Variants in GLE1 observed in about 807,000 individuals in gnomAD.
GLE1 encodes the protein GLE1 RNA export mediator, also known as mRNA export factor GLE1.
GLE1 carries 78 observed loss-of-function variants against 97.3 expected under a neutral mutation model. The observed-to-expected ratio is 0.80, with a 90% CI of 0.67 to 0.97. GLE1 has a LOEUF of 0.97. GLE1 is among the 50% of genes least tolerant of loss of function. The pLI is 0.00. For synonymous variants in GLE1, 302 were observed against 313.4 expected, an observed-to-expected ratio of 0.96 and a Z score of 0.39; for missense variants, 753 against 857.5, an observed-to-expected ratio of 0.88 and a Z score of 1.52.
chr9:128,522,346 G>A (rs562099494), intron 3 of GLE1, among the ~76,000 whole-genome samples: 2 of 152,160 alleles, frequency 1.3e-5, no homozygotes, highest in Non-Finnish European at 2.9e-5. Flanking sequence ...TGTTGAAGGC[G>A]CTCCAGAGAG....
At chr9:128,516,740 T>C (rs1846999879) in intron 3 of GLE1, among the ~76,000 whole-genome samples, 1 of 152,054 alleles carries the variant, frequency 6.6e-6, no homozygotes, top group Admixed American at 6.5e-5. Context: ...TTCTCCTGCC[T>C]GAGCCTCCCA....
At position 128,523,294 on chromosome 9, in the gene GLE1, T is replaced by G. The variant is rs1361059034; in HGVS notation, c.596T>G (p.Leu199Trp). The G allele has an allele frequency of 1.2e-6, 2 of 1,612,414 alleles. No individual in the cohort carries two copies. Among genetic ancestry groups the G allele is most frequent in the South Asian group, 2.2e-5 (2 of 91,064 alleles). Reference sequence around the variant, plus strand: ...TTTTCATGCAGCTCCAGAGAAGCCTTGGGACACCAAGAGAAGCTAAAAGCT... The same window carrying G: ...TTTTCATGCAGCTCCAGAGAAGCCTGGGGACACCAAGAGAAGCTAAAAGCT... ...EVMEKSSREA[L>W]GHQEKLKAEH... The change falls in exon 5 of 16, where the codon TTG (leucine) becomes TGG (tryptophan). Residue 199 changes from leucine to tryptophan, a missense_variant. Leu to Trp is a moderately conservative substitution (Grantham distance 61). Transcript: ENST00000309971.
intron 11 of GLE1, among the ~76,000 whole-genome samples, chr9:128,535,831 C>T (rs891095738): frequency 1.3e-5 from 2 of 151,820 alleles, no homozygotes; most frequent in African/African-American, 4.8e-5. Flanking sequence ...AAAAAATTAG[C>T]CGGCTATGGT....
chr9:128,517,110 C>T (rs1478626361), intron 3 of GLE1, among the ~76,000 whole-genome samples: 8 of 151,340 alleles, frequency 5.3e-5, no homozygotes, highest in South Asian at 2.1e-4. Flanking sequence ...GCCAACATGG[C>T]GAAACCCCAT....
At chr9:128,512,046 G>A (rs534966206) in intron 2 of GLE1, among the ~76,000 whole-genome samples, 1 of 152,284 alleles carries the variant, frequency 6.6e-6, no homozygotes, top group South Asian at 2.1e-4. Context: ...CTGTTCTCAG[G>A]TGATCTGCCC....
Position 128,533,792 on chromosome 9 carries a change from A to G in GLE1, c.1487A>G (p.His496Arg). The G allele has an allele frequency of 1.9e-6, 3 of 1,614,176 alleles. No individual in the cohort carries two copies. Among genetic ancestry groups the G allele is most frequent in the Non-Finnish European group, 2.5e-6 (3 of 1,180,004 alleles). Residue 496 changes from histidine to arginine, a missense_variant, in exon 11 of 16, where the codon CAT (histidine) becomes CGT (arginine). Physicochemically the swap from His to Arg is conservative, Grantham distance 29. Transcript: ENST00000309971. Reference protein sequence around the residue: ...KQGEEEVASHHEAAFPIAVVA... With the variant: ...KQGEEEVASHREAAFPIAVVA... Reference sequence around the variant, plus strand: ...GGCGAGGAGGAAGTGGCCTCTCACCATGAAGCAGCATTCCCCATTGCAGTT... The same window carrying G: ...GGCGAGGAGGAAGTGGCCTCTCACCGTGAAGCAGCATTCCCCATTGCAGTT...
At chr9:128,540,149 A>G (rs1847842468) in intron 14 of GLE1, 126 bp from the exon 15 acceptor site, 3 of 743,620 alleles carry the variant, frequency 4.0e-6, no homozygotes, top group Non-Finnish European at 7.3e-6. Context: ...CCAAGAGTTC[A>G]AGGCCTCGGT....
Position 128,542,072 on chromosome 9 carries a change from T to C in GLE1, c.*902T>C, listed in dbSNP as rs766914059. 3.9e-5 allele frequency: 6 copies of C among 152,202 alleles called. No homozygotes were observed. Among genetic ancestry groups the C allele is most frequent in the Non-Finnish European group, 7.3e-5 (5 of 68,038 alleles). The allele number at this position is 152,202 out of a possible 1,614,324, so 9.4% of individuals were successfully genotyped here. A position where few individuals can be genotyped will look rare whatever the true frequency, so the allele number is the denominator to read the frequency against. On this transcript the variant is annotated 3_prime_UTR_variant, in exon 16 of 16. Coordinates refer to ENST00000309971, the MANE Select transcript of GLE1 (RefSeq NM_001003722.2). ...AAAGCCACTACAGAAATCCAGAGAT[T>C]GGCTGTTAAAATTTGTTTTGTGGAA...
intron 2 of GLE1, 66 bp downstream of exon 2, chr9:128,509,163 C>T: frequency 1.1e-6 from 1 of 935,230 alleles, no homozygotes; most frequent in Non-Finnish European, 1.8e-6. Flanking sequence ...TTAATATTGT[C>T]ATATGACAGT....
intron 9 of GLE1, 54 bp from the exon 10 acceptor site, chr9:128,533,452 AGGAAAAG>A: frequency 5.9e-6 from 6 of 1,011,884 alleles, no homozygotes; most frequent in Admixed American, 2.3e-5. Context: ...AAAAAAAAAA[AGGAAAAG>A]AAAAAGAGAT....
chr9:128,518,651 C>T (rs1045239380), intron 3 of GLE1, among the ~76,000 whole-genome samples: 4 of 151,386 alleles, frequency 2.6e-5, no homozygotes, highest in Admixed American at 6.6e-5. Context: ...GGATGGATCA[C>T]GAGGTCGGGA....
In GLE1 at chr9:128,523,763, C is replaced by G; in HGVS notation, c.814C>G (p.Leu272Val). 1 of 1,614,042 alleles carries G rather than the reference C, an allele frequency of 6.2e-7. No individual in the cohort carries two copies. The highest frequency in any genetic ancestry group is 8.5e-7 in the Non-Finnish European group (1 of 1,179,970). ...LDASEQHKAL[L>V]KVDLAAFQTR... Reference sequence around the variant, plus strand: ...TGCCTCTGAGCAGCACAAAGCCCTGCTTAAGGTCGACCTGGCTGCCTTCCA... The same window carrying G: ...TGCCTCTGAGCAGCACAAAGCCCTGGTTAAGGTCGACCTGGCTGCCTTCCA... The change falls in exon 6 of 16, where the codon CTT becomes GTT. Residue 272 changes from leucine (L) to valine (V), a missense_variant. Coordinates refer to ENST00000309971, the MANE Select transcript of GLE1 (RefSeq NM_001003722.2).
chr9:128,527,230 A>T lies in GLE1; in HGVS notation c.1181A>T (p.Gln394Leu). The change falls in exon 8 of 16, where the codon CAG becomes CTG. Residue 394 changes from glutamine (Q) to leucine (L), a missense_variant. By Grantham distance (113) the Gln-to-Leu change is moderately radical. Coordinates refer to ENST00000309971, the MANE Select transcript of GLE1 (RefSeq NM_001003722.2). ...DITMQWYQQL[Q>L]DASMQCVLTF... ...ACAATGCAGTGGTACCAGCAGCTGC[A>T]GGATGCTTCCATGCAGTGTGTGTTG... 1.2e-6 allele frequency: 2 copies of T among 1,612,392 alleles called. No homozygotes were observed. Among genetic ancestry groups the T allele is most frequent in the Non-Finnish European group, 1.7e-6 (2 of 1,178,352 alleles).
At chr9:128,510,048 GTCT>G (rs773886364) in intron 2 of GLE1, among the ~76,000 whole-genome samples, 22 of 151,968 alleles carry the variant, frequency 1.4e-4, no homozygotes, top group Non-Finnish European at 2.9e-4. Context: ...ACGTGAACAT[GTCT>G]TCTTCTTCAC....
rs756846701 is a variant in GLE1, at chr9:128,508,896, G to T, written c.120G>T (p.Met40Ile). ...TCTAGGATGTTTTAGAAGAATGTAT[G>T]TCTCTTCCCAAGCTATCTTCTTATT... is the stretch of plus-strand genomic sequence containing the variant. ...LRREDVLEECMSLPKLSSYSG... is the reference protein window; with the variant it reads ...LRREDVLEECISLPKLSSYSG... The change falls in exon 2 of 16, where the codon ATG becomes ATT. Residue 40 changes from methionine to isoleucine, a missense_variant. Physicochemically the swap from Met to Ile is conservative, Grantham distance 10. Coordinates refer to ENST00000309971, the MANE Select transcript of GLE1 (RefSeq NM_001003722.2). 3 of 1,602,608 alleles carry T rather than the reference G, an allele frequency of 1.9e-6. No individual in the cohort carries two copies. The highest frequency in any genetic ancestry group is 2.2e-5 in the South Asian group (2 of 90,856).
At chr9:128,531,235 A>T (rs942175156) in intron 9 of GLE1, among the ~76,000 whole-genome samples, 3 of 147,976 alleles carry the variant, frequency 2.0e-5, no homozygotes, top group Non-Finnish European at 3.0e-5. Context: ...AAAAAAAAAA[A>T]GGTGGATGTC....
chr9:128,506,434 C>T (rs1391803660), intron 1 of GLE1, among the ~76,000 whole-genome samples: 1 of 152,180 alleles, frequency 6.6e-6, no homozygotes, highest in Non-Finnish European at 1.5e-5. Context: ...GGCTACTGGG[C>T]ACCTCATTAA....
chr9:128,540,133 T>G (rs977369961), intron 14 of GLE1, 142 bp from the exon 15 acceptor site: 2 of 717,134 alleles, frequency 2.8e-6, no homozygotes, highest in African/African-American at 3.5e-5. Context: ...GGAGGATCGC[T>G]TGAGCCCAAG....
At position 128,504,833 on chromosome 9, in the gene GLE1, A is replaced by G; in HGVS notation, c.28A>G (p.Thr10Ala). 6.2e-7 allele frequency: 1 copy of G among 1,612,796 alleles called. No homozygotes were observed. Among genetic ancestry groups the G allele is most frequent in the Non-Finnish European group, 8.5e-7 (1 of 1,178,870 alleles). Residue 10 changes from threonine to alanine, a missense_variant, in exon 1 of 16, where the codon ACC (threonine) becomes GCC (alanine). By Grantham distance (58) the Thr-to-Ala change is moderately conservative. Transcript: ENST00000309971. ...GCCGTCTGAGGGTCGCTGCTGGGAGACCTTGAAGGCCCTACGCAGTTCCGA... is the reference window on the plus strand; with the variant it reads ...GCCGTCTGAGGGTCGCTGCTGGGAGGCCTTGAAGGCCCTACGCAGTTCCGA... The part of the protein sequence containing the change: MPSEGRCWE[T>A]LKALRSSDKG...
Sources: gnomAD v4.1 joint callset for allele counts (sites outside exome capture counted in the v4.1 genomes callset) on GRCh38, gnomAD v4.1.1 for gene constraint, MANE v1.5 for transcripts, NCBI Gene and HGNC (gene_info 2026-07-23, HGNC 2026-07-21) for gene names.